The following DYNC1H1 variants were observed in gnomAD, a reference collection of about 807,000 sequenced individuals.
DYNC1H1 encodes the protein cytoplasmic dynein 1 heavy chain 1.
In DYNC1H1, 51 loss-of-function variants were observed where a neutral mutation model predicts 527.1. The ratio of observed to expected loss-of-function variants is 0.10; its 90% CI spans 0.08 to 0.12. The LOEUF (loss-of-function observed/expected upper bound fraction) is 0.12, where lower values mean the gene tolerates loss of function less well. Among genes scored for constraint, DYNC1H1 ranks in the 10% least tolerant of loss-of-function variants. The pLI is 1.00. For missense variants in DYNC1H1, 2,771 were observed against 5,971.8 expected, an observed-to-expected ratio of 0.46 and a Z score of 17.66; for synonymous variants, 2,189 against 2,278.8, an observed-to-expected ratio of 0.96 and a Z score of 1.12.
In DYNC1H1 at chr14:102,042,186, G is replaced by A. The variant is rs368371947; in HGVS notation, c.12215-42G>A. ...TGCAGGATTTGTGGTGGGCATTGAT[G>A]TCCGAGGCTGCCGCTGCTAACACTA... On this transcript the variant is annotated intron_variant, in intron 66 of 77. Coordinates refer to ENST00000360184, the MANE Select transcript of DYNC1H1 (RefSeq NM_001376.5). This position sits in a 1 kb window ranked among gnomAD's most constrained non-coding sequence, Gnocchi z 5.7. 174 of 1,613,902 alleles carry A rather than the reference G, an allele frequency of 1.1e-4. No homozygotes were observed. The highest frequency in any genetic ancestry group is 1.4e-4 in the Non-Finnish European group (171 of 1,180,016).
chr14:102,047,200 C>T (rs898984945), intron 72 of DYNC1H1, among the ~76,000 whole-genome samples: 8 of 152,106 alleles, frequency 5.3e-5, no homozygotes, highest in African/African-American at 1.9e-4. Context: ...GTATCTGTCT[C>T]CTTAGCTTTC....
Position 101,994,310 on chromosome 14 carries a change from G to A in DYNC1H1, c.3142G>A (p.Glu1048Lys), listed in dbSNP as rs1417308248. ...TGTCATGGGCATTGTATCTGAAGTT[G>A]AACAGTATGTCAAGGTAAGAAACTC... is the stretch of plus-strand genomic sequence containing the variant. ...SAVMGIVSEV[E>K]QYVKVWLQYQ... Residue 1048 changes from glutamate to lysine, a missense_variant, in exon 12 of 78, where the codon GAA (glutamate) becomes AAA (lysine). Around this residue, in one of 32 missense-constraint regions of DYNC1H1, gnomAD observed 179 missense variants for 349.4 expected, o/e 0.51. Transcript: ENST00000360184. 1.2e-6 allele frequency: 2 copies of A among 1,614,100 alleles called. No homozygotes were observed. The highest frequency in any genetic ancestry group is 4.5e-5 in the East Asian group (2 of 44,888).
intron 29 of DYNC1H1, among the ~76,000 whole-genome samples, chr14:102,008,851 A>G (rs2152576623): frequency 6.6e-6 from 1 of 152,322 alleles, no homozygotes; most frequent in South Asian, 2.1e-4. Flanking sequence ...GGGCAGCAGC[A>G]TAGAGGTTTC....
At chr14:102,006,866 C>A in intron 27 of DYNC1H1, 142 bp from the exon 28 acceptor site, 1 of 829,272 alleles carries the variant, frequency 1.2e-6, no homozygotes, top group Non-Finnish European at 2.0e-6. Flanking sequence ...TCCCGAAGTG[C>A]TGGGATTACA....
chr14:102,004,842 A>G lies in DYNC1H1; in HGVS notation c.5130A>G (p.Arg1710=). 1 of 1,614,242 alleles carries G rather than the reference A, an allele frequency of 6.2e-7. No homozygotes were observed. The highest frequency in any genetic ancestry group is 1.3e-5 in the African/African-American group (1 of 75,054). Residue 1710 remains arginine (R), a synonymous_variant, in exon 25 of 78, where the codon AGA becomes AGG. Coordinates refer to ENST00000360184, the MANE Select transcript of DYNC1H1 (RefSeq NM_001376.5). Reference sequence around the variant, plus strand: ...TCACATTGGTAGAAAAGGAGATGAGAGTCACCCTGGCCAAACTGCTTGCTG... The same window carrying G: ...TCACATTGGTAGAAAAGGAGATGAGGGTCACCCTGGCCAAACTGCTTGCTG... The part of the protein sequence containing the change: ...EWLTLVEKEM[R]VTLAKLLAES...
In DYNC1H1 at chr14:102,054,284, C is replaced by CA. The variant is rs2152603289; in HGVS notation, c.*3721_*3722insA. On this transcript the variant is annotated 3_prime_UTR_variant, in exon 78 of 78. Transcript: ENST00000360184. ...CAGCATTTTCCTGGTGAGGGGCAAGCGAAGCTGAGGCCAGACCCACCCCCG... is the reference window on the plus strand; with the variant it reads ...CAGCATTTTCCTGGTGAGGGGCAAGCAGAAGCTGAGGCCAGACCCACCCCCG... 1 of 152,440 alleles carries CA rather than the reference C, an allele frequency of 6.6e-6. No homozygotes were observed. Among genetic ancestry groups the CA allele is most frequent in the South Asian group, 2.1e-4 (1 of 4,840 alleles). 9.4% of individuals were successfully genotyped at this position (152,440 alleles called of 1,614,324 possible).
intron 52 of DYNC1H1, 146 bp downstream of exon 52, chr14:102,032,613 A>ATT: frequency 9.5e-7 from 1 of 1,054,166 alleles, no homozygotes; most frequent in Non-Finnish European, 1.4e-6. Context: ...GAACTTTGGG[A>ATT]GGCTGAGGCA....
chr14:102,041,765 C>T lies in DYNC1H1; in HGVS notation c.12102+31C>T, dbSNP rs762405229. 27 of 1,613,350 alleles carry T rather than the reference C, an allele frequency of 1.7e-5. No individual in the cohort carries two copies. The highest frequency in any genetic ancestry group is 4.0e-5 in the African/African-American group (3 of 74,932). On this transcript the variant is annotated intron_variant, in intron 65 of 77. Coordinates refer to ENST00000360184, the MANE Select transcript of DYNC1H1 (RefSeq NM_001376.5). This position sits in a 1 kb window ranked among gnomAD's most constrained non-coding sequence, Gnocchi z 4.5. ...GTCCTGGTACAGCCCGGGCTTCCCACGAGACTCCATGCCCACCTCCCCAGC... is the reference window on the plus strand; with the variant it reads ...GTCCTGGTACAGCCCGGGCTTCCCATGAGACTCCATGCCCACCTCCCCAGC...
At chr14:102,043,850 T>C in intron 69 of DYNC1H1, 25 bp from the exon 70 acceptor site, 2 of 1,614,196 alleles carry the variant, frequency 1.2e-6, no homozygotes, top group Non-Finnish European at 1.7e-6. Context: ...CTAATGACTC[T>C]GTGCTTGGTC....
Position 102,017,207 on chromosome 14 carries a change from A to C in DYNC1H1, c.7968A>C (p.Gly2656=). 2 of 1,614,232 alleles carry C rather than the reference A, an allele frequency of 1.2e-6. No homozygotes were observed. Among genetic ancestry groups the C allele is most frequent in the Non-Finnish European group, 1.7e-6 (2 of 1,180,048 alleles). ...TGGTTTTGGCTCCTGTTCAACTTGG[A>C]AAGTGGCTGGTGTTGTTCTGTGATG... ...NGVVLAPVQL[G]KWLVLFCDEI... is the part of the protein sequence containing the mutation. The change falls in exon 39 of 78, where the codon GGA becomes GGC. Residue 2656 remains glycine, a synonymous_variant. Coordinates refer to ENST00000360184, the MANE Select transcript of DYNC1H1 (RefSeq NM_001376.5). This position sits in a 1 kb window ranked among gnomAD's most constrained non-coding sequence, Gnocchi z 4.6.
In DYNC1H1 at chr14:101,980,478, G is replaced by A. The variant is rs753435051; in HGVS notation, c.889G>A (p.Val297Ile). 3 of 1,614,102 alleles carry A rather than the reference G, an allele frequency of 1.9e-6. No individual in the cohort carries two copies. Among genetic ancestry groups the A allele is most frequent in the African/African-American group, 1.3e-5 (1 of 74,924 alleles). Residue 297 changes from valine to isoleucine, a missense_variant, in exon 5 of 78, where the codon GTT becomes ATT. By Grantham distance (29) the Val-to-Ile change is conservative. This residue lies in a region of DYNC1H1 where 146 missense variants were observed against 288.1 expected (regional missense o/e 0.51). Transcript: ENST00000360184. ...RIQEKRESPE[V>I]LLTLDILKHG... is the part of the protein sequence containing the mutation. ...CCAGGAGAAACGGGAGAGCCCGGAA[G>A]TTCTCCTGACTCTGGATATCTTGAA...
In DYNC1H1 at chr14:101,986,749, A is replaced by C; in HGVS notation, c.2524A>C (p.Asn842His). Reference protein sequence around the residue: ...YVQRLAETVFNFQEKVDDLLI... With the variant: ...YVQRLAETVFHFQEKVDDLLI... ...ACAGCGCTTAGCAGAGACTGTCTTCAACTTCCAAGAAAAGGTATGCTCTCA... is the reference window on the plus strand; with the variant it reads ...ACAGCGCTTAGCAGAGACTGTCTTCCACTTCCAAGAAAAGGTATGCTCTCA... The change falls in exon 8 of 78, where the codon AAC becomes CAC. Residue 842 changes from asparagine (N) to histidine (H), a missense_variant. By Grantham distance (68) the Asn-to-His change is moderately conservative. This residue lies in a region of DYNC1H1 where 179 missense variants were observed against 349.4 expected (regional missense o/e 0.51). Coordinates refer to ENST00000360184, the MANE Select transcript of DYNC1H1 (RefSeq NM_001376.5). This position sits in a 1 kb window ranked among gnomAD's most constrained non-coding sequence, Gnocchi z 8.7. The C allele has an allele frequency of 6.2e-7, 1 of 1,614,230 alleles. No individual in the cohort carries two copies. The highest frequency in any genetic ancestry group is 8.5e-7 in the Non-Finnish European group (1 of 1,180,054).
intron 77 of DYNC1H1, 90 bp from the exon 78 acceptor site, chr14:102,050,345 T>C: frequency 6.2e-7 from 1 of 1,612,394 alleles, no homozygotes; most frequent in South Asian, 1.1e-5. Context: ...TCCAAACCTC[T>C]CCTTGCCGGG....
intron 11 of DYNC1H1, 146 bp from the exon 12 acceptor site, chr14:101,994,038 G>A (rs1440273337): frequency 1.7e-5 from 18 of 1,089,410 alleles, no homozygotes; most frequent in Middle Eastern, 2.1e-4. Flanking sequence ...CTGGTTACTT[G>A]TGGCCAGGGT....
chr14:102,011,771 A>C lies in DYNC1H1; in HGVS notation c.6619-104A>C. On this transcript the variant is annotated intron_variant, in intron 32 of 77. Coordinates refer to ENST00000360184, the MANE Select transcript of DYNC1H1 (RefSeq NM_001376.5). The surrounding 1 kb of genome is among the most constrained non-coding windows in gnomAD (Gnocchi z 5.3). The stretch of plus-strand genomic sequence containing the variant: ...CGTTTCAGGAAAAAAAAAAAAATCC[A>C]CACATAATGTTTCTTGCTCACTTTC... 3 of 1,266,830 alleles carry C rather than the reference A, an allele frequency of 2.4e-6. No homozygotes were observed. Among genetic ancestry groups the C allele is most frequent in the Non-Finnish European group, 3.4e-6 (3 of 887,984 alleles). 78.5% of individuals were successfully genotyped at this position (1,266,830 alleles called of 1,614,324 possible).
chr14:101,979,533 C>A lies in DYNC1H1; in HGVS notation c.518+41C>A. On this transcript the variant is annotated intron_variant, in intron 3 of 77. Transcript: ENST00000360184. The surrounding 1 kb of genome is among the most constrained non-coding windows in gnomAD (Gnocchi z 4.6). ...TGAATGTTATATTTCACTTAATGTT[C>A]ACAAGATAGTATAGAACTCGGTGTA... The A allele has an allele frequency of 1.9e-6, 3 of 1,613,274 alleles. No homozygotes were observed. The South Asian group carries it at 3.3e-5, about 18-fold the overall frequency.
rs45444691 is a variant in DYNC1H1 at position 102,041,414 on chromosome 14, C to T, written c.11942-160C>T. 7.7e-3 allele frequency: 8,845 copies of T among 1,153,070 alleles called. 45 individuals are homozygous for T. Among genetic ancestry groups the T allele is most frequent in the Admixed American group, 9.9e-3 (578 of 58,484 alleles). 71.4% of individuals were successfully genotyped at this position (1,153,070 alleles called of 1,614,324 possible). On this transcript the variant is annotated intron_variant, in intron 64 of 77. Transcript: ENST00000360184. This position sits in a 1 kb window ranked among gnomAD's most constrained non-coding sequence, Gnocchi z 4.5. Reference sequence around the variant, plus strand: ...CTCACAGGCGTGTCCAGAGGGCTCACGGAAGGCACAGCAGATGTGGCTGAA... The same window carrying T: ...CTCACAGGCGTGTCCAGAGGGCTCATGGAAGGCACAGCAGATGTGGCTGAA...
chr14:102,047,641 G>GTGTATGTATATATATATATATA, intron 72 of DYNC1H1, 176 bp from the exon 73 acceptor site: 2 of 228,540 alleles, frequency 8.8e-6, no homozygotes, highest in Admixed American at 1.2e-4. Flanking sequence ...GTGTGTGTGT[G>GTGTATGTATATATATATATATA]TATATATATA....
intron 4 of DYNC1H1, 63 bp from the exon 5 acceptor site, chr14:101,980,301 A>G (rs1364168604): frequency 1.9e-6 from 3 of 1,583,156 alleles, no homozygotes; most frequent in Non-Finnish European, 2.6e-6. Context: ...GTGTTTTGTT[A>G]ACGATATCTA....
Sources: allele counts gnomAD v4.1 joint callset (sites outside exome capture counted in the v4.1 genomes callset), GRCh38; gene constraint gnomAD v4.1.1; regional missense constraint gnomAD v4.1.1; non-coding constraint Gnocchi (gnomAD v3.1); transcripts MANE v1.5; gene names NCBI Gene and HGNC (gene_info 2026-07-23, HGNC 2026-07-21).